The following SLC7A8 variants were observed in gnomAD, a reference collection of about 807,000 sequenced individuals.
SLC7A8 encodes solute carrier family 7 member 8.
Under a neutral mutation model 51.2 loss-of-function variants are expected in SLC7A8, and 30 were observed. The observed-to-expected ratio is 0.59, with a 90% CI of 0.44 to 0.80. The LOEUF (loss-of-function observed/expected upper bound fraction) is 0.80. SLC7A8 is among the 30% of genes least tolerant of loss of function. The pLI, the probability that SLC7A8 is intolerant of heterozygous loss-of-function variation, is 0.00. For synonymous variants in SLC7A8, 257 were observed against 275.8 expected, an observed-to-expected ratio of 0.93 and a Z score of 0.67; for missense variants, 612 against 674.4, an observed-to-expected ratio of 0.91 and a Z score of 1.03.
At chr14:23,159,198 T>C (rs1361642789) in intron 3 of SLC7A8, among the ~76,000 whole-genome samples, 1 of 152,216 alleles carries the variant, frequency 6.6e-6, no homozygotes, top group East Asian at 1.9e-4. Flanking sequence ...TTCAGTATGG[T>C]AATTAGCTGA....
chr14:23,147,372 G>A (rs546704053), intron 3 of SLC7A8, among the ~76,000 whole-genome samples: 14 of 152,342 alleles, frequency 9.2e-5, no homozygotes, highest in African/African-American at 2.6e-4. Context: ...GGGACGACGG[G>A]TGAAGTAAGA....
chr14:23,151,735 G>A (rs78189627), intron 3 of SLC7A8, among the ~76,000 whole-genome samples: 3,238 of 145,326 alleles, frequency 0.022, 129 homozygotes, highest in African/African-American at 0.079. Flanking sequence ...GCTGGCCTGG[G>A]TAACCCTGTC....
chr14:23,159,062 T>G (rs182383490), intron 3 of SLC7A8, among the ~76,000 whole-genome samples: 1 of 152,348 alleles, frequency 6.6e-6, no homozygotes, highest in Admixed American at 6.5e-5. Flanking sequence ...CCGTTCTCTG[T>G]GTTGCCCACA....
intron 3 of SLC7A8, among the ~76,000 whole-genome samples, chr14:23,144,504 C>T (rs1303379285): frequency 6.6e-6 from 1 of 152,020 alleles, no homozygotes; most frequent in Non-Finnish European, 1.5e-5. Flanking sequence ...TTGTAATTCT[C>T]TACAAAAAAT....
At chr14:23,138,372 T>A (rs1256995795) in intron 6 of SLC7A8, among the ~76,000 whole-genome samples, 1 of 152,066 alleles carries the variant, frequency 6.6e-6, no homozygotes, top group African/African-American at 2.4e-5. Flanking sequence ...GGAAGCCAGG[T>A]GGTGTGATCC....
intron 6 of SLC7A8, 171 bp from the exon 7 acceptor site, chr14:23,138,195 G>C: frequency 1.5e-6 from 1 of 689,022 alleles, no homozygotes; most frequent in Non-Finnish European, 2.4e-6. Context: ...ACACAGGGTG[G>C]TTAATGCATG....
At chr14:23,150,658 A>G (rs551776757) in intron 3 of SLC7A8, among the ~76,000 whole-genome samples, 21 of 152,154 alleles carry the variant, frequency 1.4e-4, no homozygotes, top group Non-Finnish European at 3.1e-4. Context: ...GATTATTTTT[A>G]TTGTTCATCT....
At position 23,128,273 on chromosome 14, in the gene SLC7A8, CTCTT is replaced by C. The variant is rs1404333126; in HGVS notation, c.1264-81_1264-78del. The C allele has an allele frequency of 1.5e-5, 24 of 1,581,144 alleles. No homozygotes were observed. In the East Asian group the frequency reaches 4.6e-4, roughly 30 times the overall value. The stretch of plus-strand genomic sequence containing the variant: ...AGGACTAGGGACTGGGGCATTCTCT[CTCTT>C]CTTCACCCACAGAGACACATCCTCA... On this transcript the variant is annotated intron_variant, in intron 9 of 10. Coordinates refer to ENST00000316902, the MANE Select transcript of SLC7A8 (RefSeq NM_012244.4). This position sits in a 1 kb window ranked among gnomAD's most constrained non-coding sequence, Gnocchi z 4.3.
chr14:23,166,004 G>T (rs28715334), intron 2 of SLC7A8, among the ~76,000 whole-genome samples: 37,526 of 151,866 alleles, frequency 0.25, 5,490 homozygotes, highest in East Asian at 0.42. Context: ...AGATAGAAGG[G>T]CGTTGTTTTT....
intron 3 of SLC7A8, among the ~76,000 whole-genome samples, chr14:23,149,317 C>T (rs2048826288): frequency 2.6e-5 from 4 of 152,134 alleles, no homozygotes; most frequent in Admixed American, 2.6e-4. Flanking sequence ...GATACAATAT[C>T]CCTCCTTCAT....
intron 3 of SLC7A8, among the ~76,000 whole-genome samples, chr14:23,164,727 C>G (rs1353148720): frequency 6.6e-6 from 1 of 152,036 alleles, no homozygotes; most frequent in East Asian, 1.9e-4. Flanking sequence ...TGAGGTGGGT[C>G]AGGCCTGTAA....
intron 10 of SLC7A8, 122 bp from the exon 11 acceptor site, chr14:23,127,465 G>A (rs571829669): frequency 2.1e-5 from 25 of 1,164,400 alleles, no homozygotes; most frequent in East Asian, 1.7e-4. Flanking sequence ...CAGTCAGTGC[G>A]TTGAAGAGAA....
In SLC7A8 at chr14:23,126,095, C is replaced by G. The variant is rs1258426513; in HGVS notation, c.*1082G>C. 2 of 152,662 alleles carry G rather than the reference C, an allele frequency of 1.3e-5. No individual in the cohort carries two copies. The highest frequency in any genetic ancestry group is 2.9e-5 in the Non-Finnish European group (2 of 68,080). 9.5% of individuals were successfully genotyped at this position (152,662 alleles called of 1,614,324 possible). A position where few individuals can be genotyped will look rare whatever the true frequency, so the allele number is the denominator to read the frequency against. Reference sequence around the variant, plus strand: ...GCACCTCTAGGGAGGGGGAAAGCACCCTTCCTCCCAGGGAAGGCATTTAAT... The same window carrying G: ...GCACCTCTAGGGAGGGGGAAAGCACGCTTCCTCCCAGGGAAGGCATTTAAT... On this transcript the variant is annotated 3_prime_UTR_variant, in exon 11 of 11. Transcript: ENST00000316902.
chr14:23,167,290 C>A (rs2048954919), intron 1 of SLC7A8, among the ~76,000 whole-genome samples: 2 of 152,194 alleles, frequency 1.3e-5, no homozygotes, highest in Admixed American at 6.5e-5. Context: ...TTTCATGTGA[C>A]CCTCAAAACA....
At position 23,166,556 on chromosome 14, in the gene SLC7A8, A is replaced by G. The variant is rs1235140061; in HGVS notation, c.152-16T>C. The stretch of plus-strand genomic sequence containing the variant: ...ATGATGTTCCCTGCATGAGGCACCA[A>G]GGGTAAGGAGGGGAGACAGTAGAGA... On this transcript the variant is annotated splice_polypyrimidine_tract_variant and intron_variant, in intron 1 of 10. Transcript: ENST00000316902. 6.2e-7 allele frequency: 1 copy of G among 1,613,586 alleles called. No homozygotes were observed. Among genetic ancestry groups the G allele is most frequent in the Admixed American group, 1.7e-5 (1 of 60,026 alleles).
chr14:23,127,030 T>A lies in SLC7A8; in HGVS notation c.*147A>T. 1.0e-6 allele frequency: 1 copy of A among 987,564 alleles called. No homozygotes were observed. The highest frequency in any genetic ancestry group is 1.5e-6 in the Non-Finnish European group (1 of 672,620). 61.2% of individuals were successfully genotyped at this position (987,564 alleles called of 1,614,324 possible). ...TATGAATGTCAGTTTTTGTTTACAA[T>A]TTCTCACCACCCACACCAAAGTCCT... On this transcript the variant is annotated 3_prime_UTR_variant, in exon 11 of 11. Transcript: ENST00000316902.
At chr14:23,175,461 G>A (rs1444207951) in intron 1 of SLC7A8, among the ~76,000 whole-genome samples, 2 of 152,180 alleles carry the variant, frequency 1.3e-5, no homozygotes, top group Non-Finnish European at 2.9e-5. Flanking sequence ...CACCCACCTT[G>A]GCCTCCCAAA....
chr14:23,150,507 G>C (rs1280262472), intron 3 of SLC7A8, among the ~76,000 whole-genome samples: 1 of 152,182 alleles, frequency 6.6e-6, no homozygotes, highest in African/African-American at 2.4e-5. Flanking sequence ...GAACTCAGCG[G>C]CCATGGTGCC....
At chr14:23,129,907 T>C (rs1198501592) in intron 8 of SLC7A8, 108 bp from the exon 9 acceptor site, 2 of 1,254,308 alleles carry the variant, frequency 1.6e-6, no homozygotes, top group Non-Finnish European at 1.1e-6. Flanking sequence ...CATCGTATAA[T>C]GGATGTCTCG....
Sources: gnomAD v4.1 joint callset for allele counts (sites outside exome capture counted in the v4.1 genomes callset) on GRCh38, gnomAD v4.1.1 for gene constraint, Gnocchi (gnomAD v3.1) non-coding constraint, MANE v1.5 for transcripts, NCBI Gene and HGNC (gene_info 2026-07-23, HGNC 2026-07-21) for gene names.